Variants in FBN1 observed in about 807,000 individuals in gnomAD.
The protein encoded by FBN1 is fibrillin 1, also known as fibrillin-1.
FBN1 carries 29 observed loss-of-function variants against 365.1 expected under a neutral mutation model. The ratio of observed to expected loss-of-function variants is 0.08; its 90% confidence interval spans 0.06 to 0.11. FBN1 has a LOEUF of 0.11. Ranked by LOEUF, FBN1 falls within the 10% of genes least tolerant of loss-of-function variation. The probability of loss-of-function intolerance (pLI) is 1.00; values close to 1 mark genes in which losing one functional copy is unlikely to be tolerated. For synonymous variants in FBN1, 1,210 were observed against 1,270.5 expected (o/e 0.95, Z 1.01); for missense variants, 2,476 against 3,703.2 (o/e 0.67, Z 8.60).
chr15:48,426,070 G>A (rs1390897778), intron 58 of FBN1, among the ~76,000 whole-genome samples: 1 of 152,120 alleles, frequency 6.6e-6, no homozygotes. Context: ...GACTACAATT[G>A]ATAAAATAAT....
chr15:48,521,052 T>TC (rs2043850949), intron 9 of FBN1, among the ~76,000 whole-genome samples: 2 of 152,114 alleles, frequency 1.3e-5, no homozygotes, highest in African/African-American at 4.8e-5. Context: ...AGTCCCACAT[T>TC]CCATACCCAA....
intron 27 of FBN1, 30 bp from the exon 28 acceptor site, chr15:48,487,467 T>C: frequency 6.2e-7 from 1 of 1,611,758 alleles, no homozygotes. Flanking sequence ...ATGTTAAAGG[T>C]GGGGGCCTCA....
chr15:48,560,316 C>G lies in FBN1; in HGVS notation c.539-22508G>C, dbSNP rs541538068. ...GGTGATGGGCTTTACCACCTACAAG[C>G]CTTATTCAAATCACTTAATCTCTAA... On this transcript the variant is annotated intron_variant, in intron 6 of 65. Transcript: ENST00000316623. 5.9e-5 allele frequency among the ~76,000 whole-genome samples: 9 copies of G among 152,256 alleles called. No homozygotes were observed. In the South Asian group the frequency reaches 1.9e-3, roughly 32 times the overall value.
intron 6 of FBN1, 29 bp downstream of exon 6, chr15:48,596,254 T>C (rs2044514471): frequency 1.3e-6 from 2 of 1,596,744 alleles, no homozygotes; most frequent in African/African-American, 1.3e-5. Context: ...CCAGCATGTC[T>C]TTACGTAAAT....
intron 20 of FBN1, among the ~76,000 whole-genome samples, 188 bp from the exon 21 acceptor site, chr15:48,495,776 T>C (rs1271712481): frequency 6.6e-6 from 1 of 152,238 alleles, no homozygotes; most frequent in African/African-American, 2.4e-5. Context: ...TACATCTCTA[T>C]AGTATAGAAT....
At position 48,500,990 on chromosome 15, in the gene FBN1, C is replaced by T. The variant is rs377101880; in HGVS notation, c.2114-1952G>A. Among the ~76,000 whole-genome samples the T allele has an allele frequency of 6.6e-5, 10 of 152,328 alleles. 1 individual carries two copies. The highest frequency in any genetic ancestry group is 2.2e-4 in the African/African-American group (9 of 41,580). Reference sequence around the variant, plus strand: ...CCCCATTCTTGAAATGAGGGATATCCTACATTCGGATGGTTCATGACCAAA... The same window carrying T: ...CCCCATTCTTGAAATGAGGGATATCTTACATTCGGATGGTTCATGACCAAA... On this transcript the variant is annotated intron_variant, in intron 17 of 65. Coordinates refer to ENST00000316623, the MANE Select transcript of FBN1 (RefSeq NM_000138.5).
intron 42 of FBN1, among the ~76,000 whole-genome samples, chr15:48,462,675 T>G (rs1454853907): frequency 3.3e-5 from 5 of 152,228 alleles, no homozygotes; most frequent in Non-Finnish European, 7.3e-5. Flanking sequence ...TTTACATCTT[T>G]GTAGGCTGCC....
At chr15:48,434,207 G>A (rs2043045820) in intron 54 of FBN1, among the ~76,000 whole-genome samples, 1 of 152,080 alleles carries the variant, frequency 6.6e-6, no homozygotes, top group African/African-American at 2.4e-5. Context: ...TTAGTGTGCA[G>A]TGCTCCTAGA....
At position 48,441,785 on chromosome 15, in the gene FBN1, T is replaced by C. The variant is rs1397665480; in HGVS notation, c.6099A>G (p.Glu2033=). ...CTGGACACAGACATTTGAAGCTGCC[T>C]TCAGTGTTACTGCATGTGCCCAGGG... ...ICALGTCSNT[E]GSFKCLCPEG... Residue 2033 remains glutamate (E), a synonymous_variant, in exon 50 of 66, where the codon GAA becomes GAG. Coordinates refer to ENST00000316623, the MANE Select transcript of FBN1 (RefSeq NM_000138.5). 1.2e-6 allele frequency: 2 copies of C among 1,613,576 alleles called. No individual in the cohort carries two copies. The highest frequency in any genetic ancestry group is 1.7e-6 in the Non-Finnish European group (2 of 1,179,668).
chr15:48,453,303 A>C (rs74838012), intron 44 of FBN1, among the ~76,000 whole-genome samples: 3,262 of 140,692 alleles, frequency 0.023, 90 homozygotes, highest in African/African-American at 0.059. Context: ...ACAAAAAAAA[A>C]ACACACACAA....
At chr15:48,619,399 T>C (rs1207332447) in intron 2 of FBN1, among the ~76,000 whole-genome samples, 3 of 152,144 alleles carry the variant, frequency 2.0e-5, no homozygotes. Context: ...CACCAGTAGA[T>C]TGGTGACTCT....
At chr15:48,485,529 T>C in intron 29 of FBN1, 33 bp from the exon 30 acceptor site, 1 of 1,612,812 alleles carries the variant, frequency 6.2e-7, no homozygotes. Flanking sequence ...CACCTTCTGA[T>C]ATGGTTTGGA....
intron 2 of FBN1, among the ~76,000 whole-genome samples, 186 bp from the exon 3 acceptor site, chr15:48,613,278 G>C (rs1247803918): frequency 1.3e-5 from 2 of 152,104 alleles, no homozygotes; most frequent in East Asian, 3.9e-4. Context: ...ATATCAACAG[G>C]GACATCCCTT....
In FBN1 at chr15:48,421,954, A is replaced by G. The variant is rs551086874; in HGVS notation, c.7568T>C (p.Ile2523Thr). ...PGFTQHHTSCIDNNECTSDIN... is the reference protein window; with the variant it reads ...PGFTQHHTSCTDNNECTSDIN... ...GGATTTTTTCCTCTCCTACTCACCAATGCAGGACGTATGGTGTTGGGTAAA... is the reference window on the plus strand; with the variant it reads ...GGATTTTTTCCTCTCCTACTCACCAGTGCAGGACGTATGGTGTTGGGTAAA... The change falls in exon 61 of 66, where the codon ATT (isoleucine) becomes ACT (threonine). Residue 2523 changes from isoleucine to threonine, a missense_variant and splice_region_variant. Transcript: ENST00000316623. 1.9e-6 allele frequency: 3 copies of G among 1,604,112 alleles called. No individual in the cohort carries two copies. The highest frequency in any genetic ancestry group is 1.3e-5 in the African/African-American group (1 of 74,860).
At chr15:48,445,631 C>G in intron 47 of FBN1, 127 bp from the exon 48 acceptor site, 1 of 931,240 alleles carries the variant, frequency 1.1e-6, no homozygotes, top group Non-Finnish European at 1.7e-6. Context: ...CTTAGCCAAA[C>G]AAGAAATGCC....
At chr15:48,426,225 A>G (rs767296972) in intron 58 of FBN1, among the ~76,000 whole-genome samples, 19 of 152,214 alleles carry the variant, frequency 1.2e-4, no homozygotes, top group Non-Finnish European at 1.9e-4. Context: ...CTGACATCTA[A>G]TAAATGAATC....
intron 2 of FBN1, among the ~76,000 whole-genome samples, chr15:48,614,220 G>A (rs1037818723): frequency 2.0e-5 from 3 of 152,188 alleles, no homozygotes; most frequent in Non-Finnish European, 2.9e-5. Context: ...AGCTGCTAGC[G>A]ATCAGGGGCT....
intron 61 of FBN1, 49 bp downstream of exon 61, chr15:48,421,902 CT>C: frequency 7.0e-7 from 1 of 1,433,164 alleles, no homozygotes; most frequent in Non-Finnish European, 9.9e-7. Flanking sequence ...AAAATAATCC[CT>C]TAAAAGAATC....
chr15:48,628,128 G>T (rs1404477519), intron 2 of FBN1, among the ~76,000 whole-genome samples: 1 of 152,146 alleles, frequency 6.6e-6, no homozygotes, highest in Non-Finnish European at 1.5e-5. Context: ...CGGGTGATGT[G>T]CCTGGCACAC....
Sources: allele counts gnomAD v4.1 joint callset (sites outside exome capture counted in the v4.1 genomes callset), GRCh38; gene constraint gnomAD v4.1.1; transcripts MANE v1.5; gene names NCBI Gene and HGNC (gene_info 2026-07-23, HGNC 2026-07-21).